Variants in FER observed in about 807,000 individuals in gnomAD.
FER encodes FER tyrosine kinase.
In FER, 63 loss-of-function variants were observed where a neutral mutation model predicts 111.0. That is an observed-to-expected ratio of 0.57 (90% confidence interval 0.46 to 0.70). The LOEUF (loss-of-function observed/expected upper bound fraction) is 0.70. Ranked by LOEUF, FER falls within the 30% of genes least tolerant of loss-of-function variation. The probability of loss-of-function intolerance (pLI) is 0.00; values close to 1 mark genes in which losing one functional copy is unlikely to be tolerated. For synonymous variants in FER, 327 were observed against 313.9 expected (o/e 1.04, Z -0.44); for missense variants, 914 against 954.0 (o/e 0.96, Z 0.55).
intron 5 of FER, chr5:108,843,093 A>G (rs1761444096): frequency 6.6e-6 from 1 of 152,204 alleles, no homozygotes; most frequent in South Asian, 2.1e-4. Flanking sequence ...CTCAAATCCC[A>G]AAGTCCACTG....
intron 13 of FER, among the ~76,000 whole-genome samples, chr5:108,972,559 A>G (rs753676531): frequency 6.6e-6 from 1 of 152,158 alleles, no homozygotes; most frequent in African/African-American, 2.4e-5. Flanking sequence ...GTCTTGTACT[A>G]TGTTAGTTTT....
rs546203421 is a variant in FER at position 108,748,053 on chromosome 5, C to T, written c.-206+53C>T. The T allele has an allele frequency of 9.8e-5, 15 of 152,374 alleles. No homozygotes were observed. The East Asian group carries it at 2.9e-3, about 29-fold the overall frequency. The allele number at this position is 152,374 out of a possible 1,614,324, so 9.4% of individuals were successfully genotyped here. A position where few individuals can be genotyped will look rare whatever the true frequency, so the allele number is the denominator to read the frequency against. On this transcript the variant is annotated intron_variant, in intron 1 of 19. Coordinates refer to ENST00000281092, the MANE Select transcript of FER (RefSeq NM_005246.4). ...CCAGGACCTGCTGTATGCTTTTAAA[C>T]ATCCATTACAATTCCAGCATTGAGT...
intron 3 of FER, among the ~76,000 whole-genome samples, chr5:108,799,138 G>A (rs1454525682): frequency 1.3e-5 from 2 of 152,084 alleles, no homozygotes; most frequent in African/African-American, 4.8e-5. Context: ...ATATTGTTGA[G>A]TTAGTCACTC....
intron 3 of FER, among the ~76,000 whole-genome samples, chr5:108,832,216 A>C (rs1760118197): frequency 1.1e-5 from 1 of 91,254 alleles, no homozygotes; most frequent in Non-Finnish European, 2.5e-5. Flanking sequence ...AGGCAACAAA[A>C]GAACAGGTAC....
chr5:109,033,114 T>C (rs560741409), intron 13 of FER, among the ~76,000 whole-genome samples: 1 of 152,318 alleles, frequency 6.6e-6, no homozygotes, highest in South Asian at 2.1e-4. Context: ...CTATTGATGG[T>C]TTATACTTAA....
intron 10 of FER, among the ~76,000 whole-genome samples, chr5:108,922,224 G>T (rs1195546045): frequency 6.6e-6 from 1 of 152,204 alleles, no homozygotes; most frequent in Non-Finnish European, 1.5e-5. Context: ...CTCCAGAACT[G>T]TAGGAGAGTA....
intron 17 of FER, among the ~76,000 whole-genome samples, chr5:109,161,092 A>G (rs1378530087): frequency 6.6e-6 from 1 of 152,156 alleles, no homozygotes; most frequent in Non-Finnish European, 1.5e-5. Context: ...GTAAGATTAA[A>G]AATAGGAGCA....
At chr5:109,047,985 A>T (rs1184399460) in intron 16 of FER, among the ~76,000 whole-genome samples, 1 of 152,194 alleles carries the variant, frequency 6.6e-6, no homozygotes. Flanking sequence ...TAGAAGATAC[A>T]TTCAGAAGTA....
intron 11 of FER, among the ~76,000 whole-genome samples, chr5:108,954,271 A>G (rs1457052796): frequency 3.9e-5 from 6 of 152,150 alleles, no homozygotes; most frequent in Non-Finnish European, 8.8e-5. Context: ...AACCTGAGAT[A>G]GTACTCCTGG....
chr5:109,083,073 G>A (rs1777173509), intron 16 of FER, among the ~76,000 whole-genome samples: 1 of 152,012 alleles, frequency 6.6e-6, no homozygotes, highest in Admixed American at 6.6e-5. Flanking sequence ...TTCCTTTAGT[G>A]TTCTTGAAGA....
intron 13 of FER, among the ~76,000 whole-genome samples, chr5:109,027,328 A>G (rs532589640): frequency 1.3e-5 from 2 of 152,300 alleles, no homozygotes; most frequent in South Asian, 4.1e-4. Flanking sequence ...ATTATTTATC[A>G]AAAACAATGA....
At chr5:109,034,856 T>C (rs917138435) in intron 13 of FER, among the ~76,000 whole-genome samples, 8 of 152,074 alleles carry the variant, frequency 5.3e-5, no homozygotes, top group Admixed American at 3.9e-4. Flanking sequence ...AAGAATAACA[T>C]TTGCTTATAT....
intron 16 of FER, among the ~76,000 whole-genome samples, chr5:109,065,129 A>G (rs1334288098): frequency 1.3e-5 from 2 of 152,174 alleles, no homozygotes; most frequent in Non-Finnish European, 2.9e-5. Context: ...TAACCTATCC[A>G]ATATATATGA....
intron 17 of FER, among the ~76,000 whole-genome samples, chr5:109,151,192 A>G (rs1023213133): frequency 1.3e-5 from 2 of 152,074 alleles, no homozygotes; most frequent in East Asian, 3.9e-4. Flanking sequence ...CATTTGTTTT[A>G]TCCATTTTTG....
chr5:108,874,453 C>T (rs1370555294), intron 8 of FER, among the ~76,000 whole-genome samples: 1 of 152,088 alleles, frequency 6.6e-6, no homozygotes, highest in Admixed American at 6.6e-5. Flanking sequence ...TTAACAGTGT[C>T]TGTATTCAGG....
At chr5:109,151,550 G>A (rs1451864958) in intron 17 of FER, among the ~76,000 whole-genome samples, 1 of 152,046 alleles carries the variant, frequency 6.6e-6, no homozygotes, top group Non-Finnish European at 1.5e-5. Flanking sequence ...TGGTAAATTA[G>A]GGCATTTGCT....
intron 5 of FER, among the ~76,000 whole-genome samples, chr5:108,856,099 C>T (rs1288612253): frequency 6.6e-6 from 1 of 151,546 alleles, no homozygotes; most frequent in Non-Finnish European, 1.5e-5. Flanking sequence ...TCTAGTACCC[C>T]AATAAATAGA....
At chr5:109,100,367 T>G (rs1431065640) in intron 16 of FER, 29 bp from the exon 17 acceptor site, 1 of 1,606,020 alleles carries the variant, frequency 6.2e-7, no homozygotes, top group African/African-American at 1.3e-5. Flanking sequence ...CATAACTTTG[T>G]CTCATTGTTC....
At chr5:108,885,688 A>G (rs1438249913) in intron 9 of FER, among the ~76,000 whole-genome samples, 1 of 151,684 alleles carries the variant, frequency 6.6e-6, no homozygotes, top group Non-Finnish European at 1.5e-5. Context: ...TCATGACTTA[A>G]TTACCTTCCA....
Sources: gnomAD v4.1 joint callset for allele counts (sites outside exome capture counted in the v4.1 genomes callset) on GRCh38, gnomAD v4.1.1 for gene constraint, MANE v1.5 for transcripts, NCBI Gene and HGNC (gene_info 2026-07-23, HGNC 2026-07-21) for gene names.